Variants in MIA2 observed in about 807,000 individuals in gnomAD.
MIA2 encodes the protein melanoma inhibitory activity protein 2.
A neutral mutation model predicts 167.8 loss-of-function variants in MIA2; 127 were observed. The observed-to-expected ratio is 0.76, with a 90% CI of 0.66 to 0.88. The LOEUF (loss-of-function observed/expected upper bound fraction) is 0.88, where lower values mean the gene tolerates loss of function less well. Ranked by LOEUF, MIA2 falls within the 40% of genes least tolerant of loss-of-function variation. The pLI is 0.00. For missense variants in MIA2, 1,690 were observed against 1,624.7 expected, an observed-to-expected ratio of 1.04 and a Z score of -0.69; for synonymous variants, 552 against 541.9, an observed-to-expected ratio of 1.02 and a Z score of -0.26.
intron 24 of MIA2, among the ~76,000 whole-genome samples, chr14:39,321,439 G>C (rs1032407568): frequency 6.6e-6 from 1 of 151,536 alleles, no homozygotes; most frequent in African/African-American, 2.4e-5. Flanking sequence ...TCAGCCTCCC[G>C]AGTAGCTGGG....
intron 17 of MIA2, among the ~76,000 whole-genome samples, chr14:39,306,951 AATT>A (rs1421981622): frequency 6.6e-6 from 1 of 152,188 alleles, no homozygotes; most frequent in Middle Eastern, 3.2e-3. Context: ...AAGCATTCAT[AATT>A]ATTTAGAATG....
chr14:39,277,675 TATATATATATATGTGTG>T (rs2058223928), intron 7 of MIA2, among the ~76,000 whole-genome samples: 3 of 10,782 alleles, frequency 2.8e-4, no homozygotes, highest in East Asian at 5.4e-3. Flanking sequence ...AGATCTTTTA[TATATATATATATGTGTG>T]TATATATATA....
intron 22 of MIA2, 33 bp from the exon 23 acceptor site, chr14:39,319,176 A>G: frequency 7.9e-7 from 1 of 1,262,824 alleles, no homozygotes; most frequent in Non-Finnish European, 1.1e-6. Flanking sequence ...CTCTTGGATG[A>G]GTAACTTAGA....
intron 9 of MIA2, among the ~76,000 whole-genome samples, chr14:39,289,504 C>T (rs142662086): frequency 5.9e-5 from 9 of 152,280 alleles, no homozygotes; most frequent in East Asian, 1.9e-4. Flanking sequence ...TGAGCCACTG[C>T]GCCCATCCAA....
intron 25 of MIA2, among the ~76,000 whole-genome samples, chr14:39,340,891 A>C (rs1052842959): frequency 6.6e-6 from 1 of 152,226 alleles, no homozygotes; most frequent in African/African-American, 2.4e-5. Context: ...CTTCCTGAAG[A>C]GACTAGGTTG....
chr14:39,288,445 A>ATTTTTT (rs1566746216), intron 9 of MIA2, among the ~76,000 whole-genome samples: 1 of 5,508 alleles, frequency 1.8e-4, no homozygotes, highest in Non-Finnish European at 5.5e-4. Flanking sequence ...ATATATATAT[A>ATTTTTT]TATATATATA....
At chr14:39,251,462 T>C (rs1402426151) in intron 4 of MIA2, among the ~76,000 whole-genome samples, 2 of 152,054 alleles carry the variant, frequency 1.3e-5, no homozygotes, top group African/African-American at 4.8e-5. Context: ...TATAATTAAA[T>C]ATGAAAATAG....
At chr14:39,333,481 T>G (rs564152217) in intron 25 of MIA2, among the ~76,000 whole-genome samples, 2,474 of 152,302 alleles carry the variant, frequency 0.016, 46 homozygotes, top group African/African-American at 0.048. Flanking sequence ...GGCTCTACCT[T>G]TGCGGCTTTC....
chr14:39,361,124 G>T (rs2074673246), intron 23 of MIA2, among the ~76,000 whole-genome samples: 1 of 152,110 alleles, frequency 6.6e-6, no homozygotes, highest in African/African-American at 2.4e-5. Flanking sequence ...GCTTTGGCTA[G>T]TTCTGGCTCT....
chr14:39,260,875 A>C (rs1297377910), intron 6 of MIA2, among the ~76,000 whole-genome samples: 3 of 152,000 alleles, frequency 2.0e-5, no homozygotes, highest in Non-Finnish European at 4.4e-5. Flanking sequence ...ATCTTGAGTT[A>C]ATTTTTGTAT....
At chr14:39,271,654 G>T (rs1009526483) in intron 6 of MIA2, among the ~76,000 whole-genome samples, 2 of 152,022 alleles carry the variant, frequency 1.3e-5, no homozygotes, top group African/African-American at 4.8e-5. Flanking sequence ...TCCAAGCTGG[G>T]TGCAGTGGTT....
chr14:39,274,066 C>T (rs1486052905), intron 6 of MIA2, among the ~76,000 whole-genome samples: 3 of 151,988 alleles, frequency 2.0e-5, no homozygotes, highest in Non-Finnish European at 4.4e-5. Context: ...ATTTTGTCAA[C>T]CTGATTAATT....
chr14:39,274,202 A>G (rs1462149997), intron 6 of MIA2, among the ~76,000 whole-genome samples: 1 of 152,120 alleles, frequency 6.6e-6, no homozygotes, highest in Non-Finnish European at 1.5e-5. Context: ...TGGAGGGGTT[A>G]CCCATCACCC....
At chr14:39,380,023 G>T (rs980788305) in intron 23 of MIA2, among the ~76,000 whole-genome samples, 3 of 152,196 alleles carry the variant, frequency 2.0e-5, no homozygotes, top group Admixed American at 6.5e-5. Flanking sequence ...TAATGAGAAG[G>T]ATACTTAAAT....
In MIA2 at chr14:39,385,447, C is replaced by T. The variant is rs2075256518; in HGVS notation, c.2249-1438C>T. ...GTTACTTGGAGATTCAATCATCAGT[C>T]TTGGGTCAATCAACTCTCTCCAAAA... On this transcript the variant is annotated intron_variant, in intron 23 of 23. Coordinates refer to the MIA2 transcript ENST00000341502. 8.5e-6 allele frequency: 11 copies of T among 1,287,364 alleles called. No individual in the cohort carries two copies. In the South Asian group the frequency reaches 9.5e-5, roughly 11 times the overall value. The allele number at this position is 1,287,364 out of a possible 1,614,324, so 79.7% of individuals were successfully genotyped here. A position where few individuals can be genotyped will look rare whatever the true frequency, so the allele number is the denominator to read the frequency against.
intron 20 of MIA2, 32 bp downstream of exon 20, chr14:39,314,831 T>TGTGTGC (rs1281980791): frequency 6.3e-6 from 8 of 1,274,080 alleles, no homozygotes; most frequent in Non-Finnish European, 8.6e-6. Flanking sequence ...TGTGTGTGTG[T>TGTGTGC]GTGTGTATAT....
chr14:39,263,085 T>C (rs2055205962), intron 6 of MIA2, among the ~76,000 whole-genome samples: 2 of 152,220 alleles, frequency 1.3e-5, no homozygotes, highest in South Asian at 4.1e-4. Context: ...GGCATCCCTG[T>C]CTTGTGCCAG....
At chr14:39,323,551 C>T (rs951054518) in intron 24 of MIA2, among the ~76,000 whole-genome samples, 9 of 147,796 alleles carry the variant, frequency 6.1e-5, no homozygotes, top group Admixed American at 2.8e-4. Flanking sequence ...TAATTGAAAC[C>T]GCTACATGAA....
intron 25 of MIA2, among the ~76,000 whole-genome samples, chr14:39,341,771 G>C (rs1028404779): frequency 1.3e-5 from 2 of 151,896 alleles, no homozygotes; most frequent in African/African-American, 4.8e-5. Context: ...TGAAATTTAT[G>C]GTCATAAATT....
Sources: gnomAD v4.1 joint callset for allele counts (sites outside exome capture counted in the v4.1 genomes callset) on GRCh38, gnomAD v4.1.1 for gene constraint, MANE v1.5 for transcripts, NCBI Gene and HGNC (gene_info 2026-07-23, HGNC 2026-07-21) for gene names.